The following DIP2A variants were observed in gnomAD, a reference collection of about 807,000 sequenced individuals.
DIP2A encodes the protein DIP2 acetate--CoA ligase A, also known as disco-interacting protein 2 homolog A.
A neutral mutation model predicts 177.4 loss-of-function variants in DIP2A; 85 were observed. The observed-to-expected ratio is 0.48, with a 90% CI of 0.40 to 0.57. The LOEUF (loss-of-function observed/expected upper bound fraction) is 0.57, where lower values mean the gene tolerates loss of function less well. Among genes scored for constraint, DIP2A ranks in the 20% least tolerant of loss-of-function variants. The probability of loss-of-function intolerance (pLI) is 0.00; values close to 1 mark genes in which losing one functional copy is unlikely to be tolerated. For synonymous variants in DIP2A, 886 were observed against 881.8 expected (o/e 1.00, Z -0.08); for missense variants, 1,791 against 2,100.2 (o/e 0.85, Z 2.88).
rs201560170 is a variant in DIP2A, at chr21:46,498,636, C to T, written c.458C>T (p.Thr153Ile). ...EGSLRRPGRLTSTPLQSHSSV... is the reference protein window; with the variant it reads ...EGSLRRPGRLISTPLQSHSSV... ...TCTTTACGGCGACCCGGGCGACTCA[C>T]CTCCACTCCGCTCCAGAGCCATTCC... Residue 153 changes from threonine to isoleucine, a missense_variant, in exon 5 of 38, where the codon ACC (threonine) becomes ATC (isoleucine). Thr to Ile is a moderately conservative substitution (Grantham distance 89). Transcript: ENST00000417564. This position sits in a 1 kb window ranked among gnomAD's most constrained non-coding sequence, Gnocchi z 4.3. The T allele has an allele frequency of 1.2e-6, 2 of 1,613,642 alleles. No individual in the cohort carries two copies. The highest frequency in any genetic ancestry group is 1.7e-5 in the Admixed American group (1 of 60,024).
intron 5 of DIP2A, among the ~76,000 whole-genome samples, chr21:46,501,345 A>G (rs2057638136): frequency 6.6e-6 from 1 of 152,158 alleles, no homozygotes; most frequent in Admixed American, 6.5e-5. Flanking sequence ...ACTTTTAATT[A>G]TAGTAGCTTC....
chr21:46,524,473 C>G (rs1056431481), intron 8 of DIP2A, among the ~76,000 whole-genome samples: 2 of 152,172 alleles, frequency 1.3e-5, no homozygotes, highest in African/African-American at 2.4e-5. Flanking sequence ...GTGCTGTGGT[C>G]TTATCTCCTT....
the DIP2A span, among the ~76,000 whole-genome samples, chr21:46,581,166 T>C: frequency 6.6e-6 from 1 of 152,368 alleles, no homozygotes; most frequent in Middle Eastern, 3.4e-3. Flanking sequence ...TTCTTTAATC[T>C]TGTCTGCCTG....
At chr21:46,471,752 T>C (rs77604054) in intron 1 of DIP2A, among the ~76,000 whole-genome samples, 2 of 152,342 alleles carry the variant, frequency 1.3e-5, no homozygotes, top group East Asian at 3.9e-4. Context: ...CCTCTGTTCT[T>C]AGGATTTCCT....
At chr21:46,476,788 C>T (rs758107126) in intron 1 of DIP2A, among the ~76,000 whole-genome samples, 7 of 151,732 alleles carry the variant, frequency 4.6e-5, no homozygotes, top group Non-Finnish European at 8.8e-5. Context: ...TCCCCAGTAG[C>T]GAGATTACAG....
intron 1 of DIP2A, among the ~76,000 whole-genome samples, chr21:46,479,709 T>G (rs538516158): frequency 6.6e-6 from 1 of 152,278 alleles, no homozygotes; most frequent in South Asian, 2.1e-4. Flanking sequence ...TTTTTTTCTT[T>G]TTTTGTAGAG....
downstream of DIP2A, among the ~76,000 whole-genome samples, chr21:46,574,629 T>TA (rs1389088427): frequency 6.6e-6 from 1 of 152,126 alleles, no homozygotes; most frequent in Non-Finnish European, 1.5e-5. Context: ...TTGGAAACGT[T>TA]ACCAATTCTA....
chr21:46,563,929 A>G lies in DIP2A; in HGVS notation c.4161A>G (p.Gly1387=), dbSNP rs1390229080. 2 of 1,612,916 alleles carry G rather than the reference A, an allele frequency of 1.2e-6. No homozygotes were observed. Among genetic ancestry groups the G allele is most frequent in the African/African-American group, 2.7e-5 (2 of 74,746 alleles). The change falls in exon 35 of 38, where the codon GGA becomes GGG. Residue 1387 remains glycine (G), a synonymous_variant. Coordinates refer to ENST00000417564, the MANE Select transcript of DIP2A (RefSeq NM_015151.4). This position sits in a 1 kb window ranked among gnomAD's most constrained non-coding sequence, Gnocchi z 4.3. ...TKGPLGDSHL[G]EIWVSSPHNA... ...GACCCTTGGGAGACTCACACCTGGG[A>G]GAGGTGAGCAGGGGCCCATGGGAGG...
chr21:46,566,564 G>A lies in DIP2A; in HGVS notation c.4344G>A (p.Arg1448=). 1 of 1,614,016 alleles carries A rather than the reference G, an allele frequency of 6.2e-7. No individual in the cohort carries two copies. Among genetic ancestry groups the A allele is most frequent in the Non-Finnish European group, 8.5e-7 (1 of 1,179,898 alleles). Reference sequence around the variant, plus strand: ...GTAAACACACACTGTTCACAGGGCGGCACGATGCACTGTATGTGGTTGGGT... The same window carrying A: ...GTAAACACACACTGTTCACAGGGCGACACGATGCACTGTATGTGGTTGGGT... ...RTELTDASGG[R]HDALYVVGSL... The change falls in exon 37 of 38, where the codon CGG becomes CGA. Residue 1448 remains arginine (R), a synonymous_variant. Coordinates refer to ENST00000417564, the MANE Select transcript of DIP2A (RefSeq NM_015151.4).
chr21:46,519,854 G>GTTT (rs2058741362), intron 8 of DIP2A, among the ~76,000 whole-genome samples: 1 of 89,508 alleles, frequency 1.1e-5, no homozygotes, highest in African/African-American at 4.7e-5. Flanking sequence ...TATTGATCTA[G>GTTT]ATTTTTTTTT....
chr21:46,484,927 A>G, intron 2 of DIP2A, 99 bp downstream of exon 2: 1 of 1,210,842 alleles, frequency 8.3e-7, no homozygotes, highest in Non-Finnish European at 1.1e-6. Context: ...TAGCAATGTT[A>G]AACCAACTTT....
At chr21:46,495,223 T>TCTTCC (rs1373742683) in intron 3 of DIP2A, among the ~76,000 whole-genome samples, 4 of 96,658 alleles carry the variant, frequency 4.1e-5, no homozygotes, top group Non-Finnish European at 7.9e-5. Flanking sequence ...TCTTCTCTTC[T>TCTTCC]CTTCTCTTCT....
rs542314300 is a variant in DIP2A at position 46,567,571 on chromosome 21, C to T, written c.4665C>T (p.Asp1555=). ...AGAAGCAGCGCATGCACCTGCGGGA[C>T]GGCTTCCTGGCTGACCAGCTGGACC... is the stretch of plus-strand genomic sequence containing the variant. ...RGEKQRMHLR[D]GFLADQLDPI... The change falls in exon 38 of 38, where the codon GAC becomes GAT. Residue 1555 remains aspartate, a synonymous_variant. Coordinates refer to ENST00000417564, the MANE Select transcript of DIP2A (RefSeq NM_015151.4). The T allele has an allele frequency of 6.8e-6, 11 of 1,612,504 alleles. No homozygotes were observed. The highest frequency in any genetic ancestry group is 2.2e-5 in the East Asian group (1 of 44,876).
chr21:46,459,476 G>A (rs1206257534), intron 1 of DIP2A, among the ~76,000 whole-genome samples: 44 of 127,688 alleles, frequency 3.4e-4, no homozygotes, highest in Admixed American at 1.2e-3. Context: ...TGGGACCCCA[G>A]CACGACCCCT....
chr21:46,558,500 C>A, intron 32 of DIP2A, 107 bp downstream of exon 32: 1 of 1,115,306 alleles, frequency 9.0e-7, no homozygotes, highest in Non-Finnish European at 1.3e-6. Context: ...TCTATTTCTC[C>A]TTCTCTGGGC....
chr21:46,466,593 G>T (rs79122615), intron 1 of DIP2A, among the ~76,000 whole-genome samples: 7,023 of 151,688 alleles, frequency 0.046, 526 homozygotes, highest in African/African-American at 0.16. Context: ...TGATCCGCCC[G>T]CATTGATCTC....
chr21:46,580,130 C>T, the DIP2A span, among the ~76,000 whole-genome samples: 1 of 152,138 alleles, frequency 6.6e-6, no homozygotes, highest in African/African-American at 2.4e-5. Context: ...AATCTGGGTG[C>T]TCCTGTATTG....
At chr21:46,464,140 T>C (rs1161731289) in intron 1 of DIP2A, among the ~76,000 whole-genome samples, 1 of 151,286 alleles carries the variant, frequency 6.6e-6, no homozygotes, top group Non-Finnish European at 1.5e-5. Context: ...ACACCTGTAA[T>C]CCCAGCACTT....
At chr21:46,560,893 G>C in intron 33 of DIP2A, 110 bp downstream of exon 33, 3 of 1,501,972 alleles carry the variant, frequency 2.0e-6, no homozygotes, top group African/African-American at 2.8e-5. Flanking sequence ...AGGACGGCGG[G>C]GCCAAGTCAG....
Sources: allele counts gnomAD v4.1 joint callset (sites outside exome capture counted in the v4.1 genomes callset), GRCh38; gene constraint gnomAD v4.1.1; non-coding constraint Gnocchi (gnomAD v3.1); transcripts MANE v1.5; gene names NCBI Gene and HGNC (gene_info 2026-07-23, HGNC 2026-07-21).